The following MAP2 variants were observed in gnomAD, a reference collection of about 807,000 sequenced individuals.
MAP2 encodes the protein microtubule associated protein 2, also known as microtubule-associated protein 2.
Under a neutral mutation model 137.6 loss-of-function variants are expected in MAP2, and 14 were observed. The observed-to-expected ratio is 0.10, with a 90% confidence interval of 0.07 to 0.16. The LOEUF (loss-of-function observed/expected upper bound fraction) is 0.16. Among genes scored for constraint, MAP2 ranks in the 10% least tolerant of loss-of-function variants. The probability of loss-of-function intolerance (pLI) is 1.00; values close to 1 mark genes in which losing one functional copy is unlikely to be tolerated. For synonymous variants in MAP2, 786 were observed against 782.3 expected (o/e 1.00, Z -0.08); for missense variants, 2,088 against 2,191.5 (o/e 0.95, Z 0.94).
chr2:209,654,042 A>G (rs1249859314), intron 5 of MAP2, among the ~76,000 whole-genome samples: 1 of 152,208 alleles, frequency 6.6e-6, no homozygotes, highest in East Asian at 1.9e-4. Context: ...CATGAGCAGT[A>G]TAGAAAGGCA....
chr2:209,482,088 A>G (rs550972909), intron 1 of MAP2, among the ~76,000 whole-genome samples: 3 of 152,316 alleles, frequency 2.0e-5, no homozygotes, highest in African/African-American at 7.2e-5. Context: ...GATTAGACCA[A>G]AATCTCAAAG....
intron 1 of MAP2, among the ~76,000 whole-genome samples, chr2:209,461,103 C>T (rs1384302518): frequency 6.6e-6 from 1 of 152,060 alleles, no homozygotes; most frequent in African/African-American, 2.4e-5. Context: ...TAAAAATAAA[C>T]AAACAACCCA....
At chr2:209,505,152 G>A (rs1332492261) in intron 1 of MAP2, among the ~76,000 whole-genome samples, 1 of 151,964 alleles carries the variant, frequency 6.6e-6, no homozygotes, top group Non-Finnish European at 1.5e-5. Context: ...GTGCTTAACG[G>A]GAATGTTCCA....
intron 3 of MAP2, among the ~76,000 whole-genome samples, chr2:209,612,003 C>T (rs754326776): frequency 1.3e-5 from 2 of 152,130 alleles, no homozygotes; most frequent in Non-Finnish European, 2.9e-5. Flanking sequence ...CTCCTTAAAG[C>T]AGCTGGAAAA....
intron 1 of MAP2, among the ~76,000 whole-genome samples, chr2:209,465,795 T>A (rs566442079): frequency 6.8e-4 from 104 of 152,274 alleles, no homozygotes; most frequent in Non-Finnish European, 1.0e-3. Flanking sequence ...AGATTTCCCT[T>A]CTCCTGTTCT....
At chr2:209,679,044 T>TTA (rs2053290381) in intron 6 of MAP2, among the ~76,000 whole-genome samples, 1 of 152,096 alleles carries the variant, frequency 6.6e-6, no homozygotes. Context: ...TAAGAGATGA[T>TTA]TATTTCCCTT....
chr2:209,524,151 G>A (rs1318633193), intron 2 of MAP2, among the ~76,000 whole-genome samples: 1 of 152,062 alleles, frequency 6.6e-6, no homozygotes, highest in Non-Finnish European at 1.5e-5. Flanking sequence ...GGTTGGCATG[G>A]AAACCTTGAG....
intron 2 of MAP2, among the ~76,000 whole-genome samples, chr2:209,511,769 G>A (rs906525541): frequency 2.6e-5 from 4 of 151,868 alleles, no homozygotes; most frequent in African/African-American, 4.8e-5. Context: ...ACTGAGTCTC[G>A]CTTTGTTGCC....
At chr2:209,581,793 A>G (rs1390558528) in intron 3 of MAP2, among the ~76,000 whole-genome samples, 1 of 152,192 alleles carries the variant, frequency 6.6e-6, no homozygotes. Flanking sequence ...ATAGGAACTA[A>G]TAAGTTCTGT....
chr2:209,590,255 G>A (rs1265573799), intron 3 of MAP2, among the ~76,000 whole-genome samples: 4 of 151,982 alleles, frequency 2.6e-5, no homozygotes, highest in Non-Finnish European at 5.9e-5. Flanking sequence ...TCCCCCTTTA[G>A]TGGCTCTCAT....
chr2:209,546,137 C>T (rs183253703), intron 2 of MAP2, among the ~76,000 whole-genome samples: 127 of 151,760 alleles, frequency 8.4e-4, no homozygotes, highest in Middle Eastern at 3.4e-3. Context: ...CGTGAGACTC[C>T]GTCTCAAAAA....
chr2:209,698,983 A>G (rs2061021428), intron 10 of MAP2, among the ~76,000 whole-genome samples: 1 of 152,202 alleles, frequency 6.6e-6, no homozygotes. Context: ...GCCACATTTA[A>G]AGTAAATTGT....
At chr2:209,575,381 C>T (rs1179675192) in intron 2 of MAP2, among the ~76,000 whole-genome samples, 1 of 151,520 alleles carries the variant, frequency 6.6e-6, no homozygotes, top group Non-Finnish European at 1.5e-5. Flanking sequence ...ACTAGCCGGG[C>T]GTGATGGCGG....
At chr2:209,707,419 C>T (rs16843544) in intron 12 of MAP2, among the ~76,000 whole-genome samples, 18,064 of 152,026 alleles carry the variant, frequency 0.12, 1,385 homozygotes, top group East Asian at 0.22. Flanking sequence ...AGCAAGCACT[C>T]TGCCCACTTC....
Position 209,729,998 on chromosome 2 carries a change from T to TTA in MAP2, c.5268+36_5268+37insTA, listed in dbSNP as rs1553698700. 8.6e-5 allele frequency: 123 copies of TTA among 1,424,716 alleles called. 1 individual carries two copies. The East Asian group carries it at 1.2e-3, about 14-fold the overall frequency. The allele number at this position is 1,424,716 out of a possible 1,614,324, so 88.3% of individuals were successfully genotyped here. A position where few individuals can be genotyped will look rare whatever the true frequency, so the allele number is the denominator to read the frequency against. ...AGGTTATGAGCCAATCTTGTCTTTT[T>TTA]AAAAAAAATTCTTCTGAAATACTCT... On this transcript the variant is annotated intron_variant, in intron 15 of 15. Coordinates refer to ENST00000682079, the MANE Select transcript of MAP2 (RefSeq NM_001375505.1).
chr2:209,450,616 C>T (rs187083215), intron 1 of MAP2, among the ~76,000 whole-genome samples: 1 of 152,280 alleles, frequency 6.6e-6, no homozygotes, highest in African/African-American at 2.4e-5. Flanking sequence ...TTATATGCTC[C>T]TCAGAATGTC....
At chr2:209,547,290 CA>C (rs1467217436) in intron 2 of MAP2, among the ~76,000 whole-genome samples, 3 of 151,530 alleles carry the variant, frequency 2.0e-5, no homozygotes, top group Non-Finnish European at 4.4e-5. Context: ...CTACCCCCCA[CA>C]AAAAGAAGAC....
At chr2:209,512,738 C>T (rs1200779838) in intron 2 of MAP2, among the ~76,000 whole-genome samples, 1 of 151,998 alleles carries the variant, frequency 6.6e-6, no homozygotes, top group Admixed American at 6.6e-5. Flanking sequence ...GACTTCTAAG[C>T]TCAAGTGATT....
At chr2:209,482,653 T>C (rs2057874396) in intron 1 of MAP2, among the ~76,000 whole-genome samples, 1 of 152,210 alleles carries the variant, frequency 6.6e-6, no homozygotes, top group African/African-American at 2.4e-5. Flanking sequence ...CAAAGAACTC[T>C]GGGAAATTAT....
Sources: allele counts gnomAD v4.1 joint callset (sites outside exome capture counted in the v4.1 genomes callset), GRCh38; gene constraint gnomAD v4.1.1; transcripts MANE v1.5; gene names NCBI Gene and HGNC (gene_info 2026-07-23, HGNC 2026-07-21).